The following NUP85 variants were observed in gnomAD, a reference collection of about 807,000 sequenced individuals.
NUP85 encodes the protein nucleoporin 85, also known as nuclear pore complex protein Nup85.
In NUP85, 23 loss-of-function variants were observed where a neutral mutation model predicts 92.8. The ratio of observed to expected loss-of-function variants is 0.25; its 90% CI spans 0.18 to 0.35. The LOEUF is 0.35. Among genes scored for constraint, NUP85 ranks in the 10% least tolerant of loss-of-function variants. NUP85 has a pLI of 1.00. For synonymous variants in NUP85, 314 were observed against 306.9 expected (o/e 1.02, Z -0.24); for missense variants, 759 against 822.8 (o/e 0.92, Z 0.95).
intron 11 of NUP85, chr17:75,226,868 A>G (rs1411934319): frequency 5.8e-6 from 2 of 343,938 alleles, no homozygotes; most frequent in Admixed American, 6.9e-5. Flanking sequence ...CAAGAGTCTC[A>G]CTCCAGTGAC....
chr17:75,232,265 C>G (rs977390638), intron 14 of NUP85: 3 of 427,912 alleles, frequency 7.0e-6, no homozygotes, highest in African/African-American at 6.0e-5. Context: ...CTGGGGTTGG[C>G]GCTGTTTCCC....
intron 11 of NUP85, chr17:75,228,995 C>T: frequency 1.0e-6 from 1 of 985,478 alleles, no homozygotes; most frequent in Non-Finnish European, 1.2e-6. Flanking sequence ...TCCTGGCTTA[C>T]AGCTTCCTCT....
chr17:75,217,223 C>T (rs1308385812), intron 6 of NUP85, among the ~76,000 whole-genome samples: 1 of 152,032 alleles, frequency 6.6e-6, no homozygotes, highest in East Asian at 1.9e-4. Context: ...CCACGCCCGG[C>T]TAATTTTTGT....
chr17:75,235,360 A>G, intron 18 of NUP85, 159 bp downstream of exon 18: 1 of 620,590 alleles, frequency 1.6e-6, no homozygotes. Flanking sequence ...CTTTTAGGAG[A>G]AAATCAGGGA....
intron 5 of NUP85, among the ~76,000 whole-genome samples, chr17:75,213,635 T>A (rs1055077712): frequency 1.3e-5 from 2 of 152,004 alleles, no homozygotes; most frequent in Non-Finnish European, 2.9e-5. Flanking sequence ...CTGACCAAAT[T>A]GTGTTGAGGG....
intron 11 of NUP85, chr17:75,226,879 G>A (rs991711398): frequency 1.6e-5 from 5 of 321,414 alleles, no homozygotes; most frequent in Admixed American, 3.7e-5. Context: ...CTCCAGTGAC[G>A]TGAGCTACCG....
At chr17:75,224,648 A>G (rs972848532) in intron 7 of NUP85, among the ~76,000 whole-genome samples, 3 of 152,142 alleles carry the variant, frequency 2.0e-5, no homozygotes, top group Admixed American at 2.0e-4. Context: ...CCTGGCCAAT[A>G]TGGTGAAACC....
intron 5 of NUP85, among the ~76,000 whole-genome samples, chr17:75,214,996 C>G (rs753858923): frequency 2.0e-5 from 3 of 151,548 alleles, no homozygotes; most frequent in Non-Finnish European, 4.4e-5. Context: ...AAGGTGAAAC[C>G]TCGTCTCTAC....
chr17:75,233,437 C>CTTTTTTTTTTTTTTTTTTTTTTTTTT (rs60396796), intron 16 of NUP85, among the ~76,000 whole-genome samples: 2 of 117,184 alleles, frequency 1.7e-5, no homozygotes, highest in African/African-American at 3.5e-5. Context: ...TTTATTTTTT[C>CTTTTTTTTTTTTTTTTTTTTTTTTTT]TTTTTTTTTT....
chr17:75,231,687 C>T lies in NUP85; in HGVS notation c.1244+49C>T, dbSNP rs1007667. 5.8e-4 allele frequency: 920 copies of T among 1,589,754 alleles called. 10 individuals carry two copies. In the South Asian group the frequency reaches 8.4e-3, roughly 15 times the overall value. ...GGCTATGCGGGTGCTCTTCAGCATG[C>T]GGGTGCCATTGGAGCTTGGACTGTT... On this transcript the variant is annotated intron_variant, in intron 13 of 18. Transcript: ENST00000245544. This position sits in a 1 kb window ranked among gnomAD's most constrained non-coding sequence, Gnocchi z 4.6.
In NUP85 at chr17:75,226,057, C is replaced by T; in HGVS notation, c.994C>T (p.Leu332=). The change falls in exon 11 of 19, where the codon CTG becomes TTG. Residue 332 remains leucine (L), a synonymous_variant. Transcript: ENST00000245544. ...IDLHYYAQSS[L]DLFLGGESSP... ...TCTCATCACCTTTCCACAGTCCAGCCTGGACCTGTTTCTGGGAGGTGAGAG... is the reference window on the plus strand; with the variant it reads ...TCTCATCACCTTTCCACAGTCCAGCTTGGACCTGTTTCTGGGAGGTGAGAG... 6.2e-7 allele frequency: 1 copy of T among 1,614,158 alleles called. No individual in the cohort carries two copies. The highest frequency in any genetic ancestry group is 8.5e-7 in the Non-Finnish European group (1 of 1,180,020).
At position 75,235,756 on chromosome 17, in the gene NUP85, G is replaced by A. The variant is rs2076309389; in HGVS notation, c.*77G>A. ...AAAGAATAAATGTTGTTTTGCAAAT[G>A]TAGGTTCTTAGAGTCCACCCAGGGA... On this transcript the variant is annotated 3_prime_UTR_variant, in exon 19 of 19. Transcript: ENST00000245544. The A allele has an allele frequency of 1.7e-6, 2 of 1,156,936 alleles. No individual in the cohort carries two copies. The highest frequency in any genetic ancestry group is 3.1e-5 in the African/African-American group (2 of 65,094). The allele number at this position is 1,156,936 out of a possible 1,614,324, so 71.7% of individuals were successfully genotyped here.
chr17:75,226,165 C>T lies in NUP85; in HGVS notation c.1094+8C>T, dbSNP rs1046250804. 7 of 1,605,932 alleles carry T rather than the reference C, an allele frequency of 4.4e-6. No individual in the cohort carries two copies. Among genetic ancestry groups the T allele is most frequent in the Admixed American group, 1.7e-5 (1 of 59,966 alleles). On this transcript the variant is annotated splice_region_variant and intron_variant, in intron 11 of 18. Coordinates refer to ENST00000245544, the MANE Select transcript of NUP85 (RefSeq NM_024844.5). ...AGTAATCAAAGAGTGCAGGTAGGATCTCTCCCACCCCCCACTGTAACCATT... is the reference window on the plus strand; with the variant it reads ...AGTAATCAAAGAGTGCAGGTAGGATTTCTCCCACCCCCCACTGTAACCATT...
chr17:75,206,173 C>A (rs2075074555), intron 1 of NUP85, among the ~76,000 whole-genome samples: 1 of 152,126 alleles, frequency 6.6e-6, no homozygotes, highest in African/African-American at 2.4e-5. Context: ...GAGCTTCTGC[C>A]TGTGTGGCCT....
intron 7 of NUP85, among the ~76,000 whole-genome samples, chr17:75,224,202 C>A (rs540362713): frequency 2.0e-5 from 3 of 152,022 alleles, no homozygotes; most frequent in African/African-American, 7.2e-5. Flanking sequence ...CCTGCCACCA[C>A]GCCTGGCTAA....
At chr17:75,208,301 C>T (rs1054875794) in intron 1 of NUP85, 18 of 439,706 alleles carry the variant, frequency 4.1e-5, no homozygotes, top group Admixed American at 8.3e-5. Flanking sequence ...AAAAAATAGC[C>T]GGGTGTGGTT....
intron 7 of NUP85, among the ~76,000 whole-genome samples, chr17:75,222,791 T>C (rs968103154): frequency 6.6e-5 from 10 of 151,962 alleles, no homozygotes; most frequent in Admixed American, 6.6e-5. Flanking sequence ...ATCCCAGCAC[T>C]TTGGGAGGCC....
intron 11 of NUP85, among the ~76,000 whole-genome samples, chr17:75,227,621 G>C (rs1369667223): frequency 6.6e-6 from 1 of 151,246 alleles, no homozygotes; most frequent in African/African-American, 2.4e-5. Flanking sequence ...GATTACAGGC[G>C]TGAGCCACCG....
intron 7 of NUP85, among the ~76,000 whole-genome samples, chr17:75,222,022 CGT>C (rs3047551): frequency 4.5e-5 from 6 of 132,422 alleles, no homozygotes; most frequent in South Asian, 5.9e-4. Flanking sequence ...ATGTTTCTCT[CGT>C]GTGTGTGTGT....
Sources: allele counts gnomAD v4.1 joint callset (sites outside exome capture counted in the v4.1 genomes callset), GRCh38; gene constraint gnomAD v4.1.1; non-coding constraint Gnocchi (gnomAD v3.1); transcripts MANE v1.5; gene names NCBI Gene and HGNC (gene_info 2026-07-23, HGNC 2026-07-21).